Variants in CCDC12 observed in about 807,000 individuals in gnomAD.
CCDC12 encodes the protein coiled-coil domain-containing protein 12.
CCDC12 carries 28 observed loss-of-function variants against 25.7 expected under a neutral mutation model. That is an observed-to-expected ratio of 1.09 (90% CI 0.81 to 1.50). CCDC12 has a LOEUF of 1.50. Ranked by LOEUF, CCDC12 falls within the 40% of genes most tolerant of loss-of-function variation. The probability of loss-of-function intolerance (pLI) is 0.00; values close to 1 mark genes in which losing one functional copy is unlikely to be tolerated. For missense variants in CCDC12, 198 were observed against 210.0 expected, an observed-to-expected ratio of 0.94 and a Z score of 0.35; for synonymous variants, 75 against 87.7, an observed-to-expected ratio of 0.86 and a Z score of 0.81.
At chr3:46,981,732 T>A (rs1231514845), upstream of CCDC12, among the ~76,000 whole-genome samples, 2 of 152,066 alleles carry the variant, frequency 1.3e-5, no homozygotes, top group Non-Finnish European at 2.9e-5. Flanking sequence ...CTGGTGAGTG[T>A]GAGGGATGTT....
At chr3:46,959,653 C>T (rs927428619) in intron 1 of CCDC12, among the ~76,000 whole-genome samples, 24 of 152,166 alleles carry the variant, frequency 1.6e-4, no homozygotes, top group Non-Finnish European at 3.2e-4. Context: ...AGACCCTACA[C>T]GTGTGCAGAG....
chr3:46,935,720 G>T (rs1275403308), intron 2 of CCDC12, among the ~76,000 whole-genome samples: 2 of 152,176 alleles, frequency 1.3e-5, no homozygotes, highest in Admixed American at 6.5e-5. Flanking sequence ...GAGAAGTAGG[G>T]CCCATCTAGG....
upstream of CCDC12, among the ~76,000 whole-genome samples, chr3:46,978,192 C>T (rs1190914429): frequency 1.3e-5 from 2 of 152,184 alleles, no homozygotes; most frequent in African/African-American, 4.8e-5. Flanking sequence ...ACCCTCTTGT[C>T]CTCACTAACC....
intron 1 of CCDC12, among the ~76,000 whole-genome samples, chr3:46,953,080 C>A (rs1283321600): frequency 6.6e-6 from 1 of 152,186 alleles, no homozygotes; most frequent in African/African-American, 2.4e-5. Flanking sequence ...GAGATACAAT[C>A]AAACCCATCG....
intron 1 of CCDC12, among the ~76,000 whole-genome samples, chr3:46,953,683 G>A (rs1448995585): frequency 6.6e-6 from 1 of 151,608 alleles, no homozygotes. Flanking sequence ...CTTTGCTGGT[G>A]CAGAAGAGGA....
intron 1 of CCDC12, among the ~76,000 whole-genome samples, chr3:46,968,010 G>A (rs1450963179): frequency 6.6e-6 from 1 of 152,150 alleles, no homozygotes; most frequent in Non-Finnish European, 1.5e-5. Flanking sequence ...CGAACAGGTA[G>A]GTCTGAGAAA....
intron 2 of CCDC12, among the ~76,000 whole-genome samples, chr3:46,926,173 G>T (rs1027757015): frequency 2.0e-4 from 30 of 152,270 alleles, no homozygotes; most frequent in Non-Finnish European, 4.0e-4. Flanking sequence ...GGGCTCCAGA[G>T]GGGCGTGGCT....
Position 46,929,843 on chromosome 3 carries a change from C to G in CCDC12, c.165-4308G>C, listed in dbSNP as rs370127424. Among the ~76,000 whole-genome samples the G allele has an allele frequency of 1.5e-3, 226 of 151,616 alleles. 1 individual carries two copies. The highest frequency in any genetic ancestry group is 5.3e-3 in the African/African-American group (220 of 41,356). ...GGAGTTCAAGAACAGTCTGGCCAACCAACATGGTGAAACCCCATCTCTACT... is the reference window on the plus strand; with the variant it reads ...GGAGTTCAAGAACAGTCTGGCCAACGAACATGGTGAAACCCCATCTCTACT... On this transcript the variant is annotated intron_variant, in intron 2 of 6. Coordinates refer to ENST00000683445, the MANE Select transcript of CCDC12 (RefSeq NM_001277074.2).
chr3:46,943,017 G>A (rs143610598), intron 1 of CCDC12, among the ~76,000 whole-genome samples: 3 of 152,280 alleles, frequency 2.0e-5, no homozygotes, highest in African/African-American at 7.2e-5. Context: ...GGCAATGGCC[G>A]AACACAGAGG....
intron 1 of CCDC12, among the ~76,000 whole-genome samples, chr3:46,951,098 C>T (rs1028910258): frequency 1.3e-5 from 2 of 152,086 alleles, no homozygotes; most frequent in Admixed American, 6.5e-5. Flanking sequence ...TGAACTACTG[C>T]ACTCCAGCCT....
chr3:46,961,170 G>A (rs1052175832), intron 1 of CCDC12, among the ~76,000 whole-genome samples: 9 of 151,998 alleles, frequency 5.9e-5, no homozygotes, highest in Non-Finnish European at 1.2e-4. Context: ...GTGTATATGC[G>A]CTGGAGGTGG....
chr3:46,935,307 T>C (rs1575542621), intron 2 of CCDC12, among the ~76,000 whole-genome samples: 1 of 152,140 alleles, frequency 6.6e-6, no homozygotes, highest in East Asian at 1.9e-4. Context: ...GTTCAGGCAC[T>C]TTCTGGCATA....
At chr3:46,972,279 G>A (rs1260170354) in intron 1 of CCDC12, among the ~76,000 whole-genome samples, 2 of 151,952 alleles carry the variant, frequency 1.3e-5, no homozygotes, top group African/African-American at 2.4e-5. Context: ...GATCAGCTTG[G>A]GAAACACAGT....
intron 1 of CCDC12, among the ~76,000 whole-genome samples, chr3:46,954,636 G>GT (rs1486171347): frequency 2.0e-5 from 3 of 152,156 alleles, no homozygotes; most frequent in African/African-American, 7.2e-5. Flanking sequence ...AAAAGAACAG[G>GT]TATTTCCACC....
chr3:46,947,452 C>G (rs544102722), intron 1 of CCDC12, among the ~76,000 whole-genome samples: 2 of 152,250 alleles, frequency 1.3e-5, no homozygotes, highest in East Asian at 3.9e-4. Context: ...GGCAGTCACC[C>G]GGAGTCTGAC....
upstream of CCDC12, among the ~76,000 whole-genome samples, chr3:46,981,486 G>A (rs1481345917): frequency 1.3e-5 from 2 of 152,122 alleles, no homozygotes; most frequent in East Asian, 3.9e-4. Context: ...CCTGACCTCA[G>A]GGGCTTCCTG....
intron 1 of CCDC12, among the ~76,000 whole-genome samples, chr3:46,955,149 T>C (rs2034248288): frequency 6.6e-6 from 1 of 152,230 alleles, no homozygotes; most frequent in African/African-American, 2.4e-5. Context: ...TTCTTCTTGC[T>C]GTTAGCATCG....
At chr3:46,939,332 C>T (rs1334276456) in intron 2 of CCDC12, among the ~76,000 whole-genome samples, 3 of 152,060 alleles carry the variant, frequency 2.0e-5, no homozygotes, top group Non-Finnish European at 2.9e-5. Context: ...CCTGCTAAAC[C>T]AGCGACCCTT....
chr3:46,976,579 C>T, intron 1 of CCDC12, 58 bp downstream of exon 1: 2 of 1,566,892 alleles, frequency 1.3e-6, no homozygotes, highest in Non-Finnish European at 1.7e-6. Flanking sequence ...TCCTCAAGCG[C>T]GACCCGGACC....
Sources: gnomAD v4.1 joint callset for allele counts (sites outside exome capture counted in the v4.1 genomes callset) on GRCh38, gnomAD v4.1.1 for gene constraint, MANE v1.5 for transcripts, NCBI Gene and HGNC (gene_info 2026-07-23, HGNC 2026-07-21) for gene names.